The following NCOA1 variants were observed in gnomAD, a reference collection of about 807,000 sequenced individuals.
The protein encoded by NCOA1 is Hin-2 protein.
NCOA1 carries 35 observed loss-of-function variants against 150.9 expected under a neutral mutation model. The ratio of observed to expected loss-of-function variants is 0.23; its 90% confidence interval spans 0.18 to 0.31. The LOEUF (loss-of-function observed/expected upper bound fraction) is 0.31. Ranked by LOEUF, NCOA1 falls within the 10% of genes least tolerant of loss-of-function variation. The probability of loss-of-function intolerance (pLI) is 1.00; values close to 1 mark genes in which losing one functional copy is unlikely to be tolerated. For missense variants in NCOA1, 1,491 were observed against 1,749.3 expected, an observed-to-expected ratio of 0.85 and a Z score of 2.63; for synonymous variants, 590 against 630.0, an observed-to-expected ratio of 0.94 and a Z score of 0.95.
At chr2:24,522,021 A>G (rs1339859717) in intron 1 of NCOA1, among the ~76,000 whole-genome samples, 1 of 152,072 alleles carries the variant, frequency 6.6e-6, no homozygotes, top group East Asian at 1.9e-4. Context: ...GTACCTTCTA[A>G]CATAACATAT....
intron 3 of NCOA1, among the ~76,000 whole-genome samples, chr2:24,639,886 T>A (rs1670102862): frequency 1.0e-5 from 1 of 99,128 alleles, no homozygotes; most frequent in East Asian, 2.7e-4. Flanking sequence ...AGACTCTGTC[T>A]CAAAAAAAAA....
intron 3 of NCOA1, among the ~76,000 whole-genome samples, chr2:24,608,814 G>A (rs995582155): frequency 1.4e-5 from 2 of 146,114 alleles, no homozygotes; most frequent in Non-Finnish European, 1.5e-5. Flanking sequence ...TCTGGTCTAT[G>A]ACACTTTCTG....
chr2:24,758,017 C>A lies in NCOA1; in HGVS notation c.3926C>A (p.Pro1309Gln). 1 of 1,614,106 alleles carries A rather than the reference C, an allele frequency of 6.2e-7. No homozygotes were observed. Among genetic ancestry groups the A allele is most frequent in the Non-Finnish European group, 8.5e-7 (1 of 1,180,022 alleles). ...AVQNQPTPAQ[P>Q]GVYNNMSITV... ...CAGAACCAGCCCACGCCTGCACAGC[C>A]AGGAGTATACAACAACATGAGCATC... is the stretch of plus-strand genomic sequence containing the variant. Residue 1309 changes from proline (P) to glutamine (Q), a missense_variant, in exon 21 of 23, where the codon CCA (proline) becomes CAA (glutamine). By Grantham distance (76) the Pro-to-Gln change is moderately conservative. Transcript: ENST00000348332.
At chr2:24,526,677 G>A (rs1239019149) in intron 1 of NCOA1, among the ~76,000 whole-genome samples, 3 of 151,500 alleles carry the variant, frequency 2.0e-5, no homozygotes, top group Non-Finnish European at 4.4e-5. Context: ...CAGGCTCATT[G>A]CATTGCAGCC....
At chr2:24,761,671 A>G (rs1431358953) in intron 21 of NCOA1, among the ~76,000 whole-genome samples, 4 of 152,034 alleles carry the variant, frequency 2.6e-5, no homozygotes, top group Non-Finnish European at 5.9e-5. Context: ...GTAATTTTTT[A>G]TTGGATGCCA....
intron 4 of NCOA1, among the ~76,000 whole-genome samples, chr2:24,650,292 A>G (rs757561283): frequency 3.9e-5 from 6 of 152,140 alleles, no homozygotes; most frequent in Non-Finnish European, 8.8e-5. Flanking sequence ...TCTAGTATTC[A>G]ACAAAAATTA....
intron 17 of NCOA1, among the ~76,000 whole-genome samples, chr2:24,738,331 ATAGTAT>A (rs1229643255): frequency 6.6e-6 from 1 of 151,876 alleles, no homozygotes; most frequent in Non-Finnish European, 1.5e-5. Flanking sequence ...TAAACATAAA[ATAGTAT>A]TAATATTATT....
At chr2:24,715,560 G>A (rs918928203) in intron 14 of NCOA1, among the ~76,000 whole-genome samples, 7 of 152,134 alleles carry the variant, frequency 4.6e-5, no homozygotes, top group Non-Finnish European at 1.0e-4. Flanking sequence ...CACAATATGT[G>A]TACTCAGTAT....
intron 21 of NCOA1, 126 bp from the exon 22 acceptor site, chr2:24,762,561 G>T: frequency 1.3e-6 from 1 of 797,910 alleles, no homozygotes. Context: ...ACAGTTAATT[G>T]CTAAGCTTTT....
chr2:24,706,664 T>C lies in NCOA1; in HGVS notation c.1194T>C (p.His398=), dbSNP rs781061344. The C allele has an allele frequency of 6.2e-7, 1 of 1,614,230 alleles. No homozygotes were observed. The highest frequency in any genetic ancestry group is 8.5e-7 in the Non-Finnish European group (1 of 1,180,034). The change falls in exon 13 of 23, where the codon CAT becomes CAC. Residue 398 remains histidine, a synonymous_variant. Coordinates refer to ENST00000348332, the MANE Select transcript of NCOA1 (RefSeq NM_003743.5). ...TCAATCCTAGTATCTCTCCAGCTCA[T>C]GGTGTGGCTCGTTCATCCACATTGC... is the stretch of plus-strand genomic sequence containing the variant. ...PSVNPSISPA[H]GVARSSTLPP...
intron 3 of NCOA1, among the ~76,000 whole-genome samples, chr2:24,624,914 A>T (rs753673801): frequency 1.3e-5 from 2 of 152,202 alleles, no homozygotes; most frequent in Non-Finnish European, 2.9e-5. Flanking sequence ...AGGACCAGAT[A>T]GTAAATGCTG....
intron 2 of NCOA1, among the ~76,000 whole-genome samples, chr2:24,579,962 C>T (rs1667134206): frequency 6.6e-6 from 1 of 152,020 alleles, no homozygotes; most frequent in African/African-American, 2.4e-5. Context: ...ACATTGAGTC[C>T]CCAGATTCCA....
At chr2:24,553,142 G>A (rs1183368370) in intron 1 of NCOA1, among the ~76,000 whole-genome samples, 1 of 152,048 alleles carries the variant, frequency 6.6e-6, no homozygotes, top group Non-Finnish European at 1.5e-5. Context: ...TTATAGATAC[G>A]TAGGTTGAGG....
chr2:24,642,585 G>A (rs1670281282), intron 3 of NCOA1, among the ~76,000 whole-genome samples: 1 of 152,076 alleles, frequency 6.6e-6, no homozygotes, highest in African/African-American at 2.4e-5. Flanking sequence ...TAAATTACTG[G>A]CTGGTAAACA....
chr2:24,675,250 C>A (rs7560382), intron 7 of NCOA1, among the ~76,000 whole-genome samples: 6,364 of 152,224 alleles, frequency 0.042, 202 homozygotes, highest in African/African-American at 0.091. Flanking sequence ...CAATAGAAAT[C>A]AACTCTGACT....
chr2:24,749,387 C>T (rs935354872), intron 19 of NCOA1, among the ~76,000 whole-genome samples: 1 of 152,194 alleles, frequency 6.6e-6, no homozygotes, highest in African/African-American at 2.4e-5. Flanking sequence ...CAGAGGGTCC[C>T]ATTCAAGTCT....
In NCOA1 at chr2:24,695,058, A is replaced by G. The variant is rs544429090; in HGVS notation, c.808+1711A>G. 1.3e-3 allele frequency among the ~76,000 whole-genome samples: 195 copies of G among 152,266 alleles called. 1 individual carries two copies. The highest frequency in any genetic ancestry group is 2.1e-3 in the Non-Finnish European group (146 of 68,008). ...AAGTTATGAGGCTAATTTAGGAACA[A>G]TATGTTTCAGCTTTTCCTCATATTG... On this transcript the variant is annotated intron_variant, in intron 10 of 22. Coordinates refer to ENST00000348332, the MANE Select transcript of NCOA1 (RefSeq NM_003743.5).
intron 17 of NCOA1, among the ~76,000 whole-genome samples, chr2:24,731,630 C>A (rs1663016487): frequency 6.6e-6 from 1 of 151,658 alleles, no homozygotes; most frequent in African/African-American, 2.4e-5. Flanking sequence ...TTTTTAAATG[C>A]TAGGGTAGAA....
intron 17 of NCOA1, 100 bp from the exon 18 acceptor site, chr2:24,739,332 T>C: frequency 1.2e-6 from 1 of 862,526 alleles, no homozygotes; most frequent in Non-Finnish European, 1.9e-6. Flanking sequence ...CCTGCAACAC[T>C]AAAACTTTTT....
Sources: allele counts gnomAD v4.1 joint callset (sites outside exome capture counted in the v4.1 genomes callset), GRCh38; gene constraint gnomAD v4.1.1; transcripts MANE v1.5; gene names NCBI Gene and HGNC (gene_info 2026-07-23, HGNC 2026-07-21).